The following COL5A1 variants were observed in gnomAD, a reference collection of about 807,000 sequenced individuals.
The protein encoded by COL5A1 is collagen alpha-1(V) chain.
A neutral mutation model predicts 263.7 loss-of-function variants in COL5A1; 16 were observed. The ratio of observed to expected loss-of-function variants is 0.06; its 90% CI spans 0.04 to 0.09. The LOEUF (loss-of-function observed/expected upper bound fraction) is 0.09. Among genes scored for constraint, COL5A1 ranks in the 10% least tolerant of loss-of-function variants. The probability of loss-of-function intolerance (pLI) is 1.00; values close to 1 mark genes in which losing one functional copy is unlikely to be tolerated. For missense variants in COL5A1, 2,036 were observed against 2,540.5 expected (o/e 0.80, Z 4.27); for synonymous variants, 1,012 against 1,004.5 (o/e 1.01, Z -0.14).
intron 31 of COL5A1, among the ~76,000 whole-genome samples, chr9:134,788,439 G>T (rs953347678): frequency 6.6e-6 from 1 of 150,950 alleles, no homozygotes; most frequent in Non-Finnish European, 1.5e-5. Context: ...TGGTTAGGTG[G>T]GTAGGTAGGC....
intron 4 of COL5A1, among the ~76,000 whole-genome samples, chr9:134,710,711 G>A (rs1436458078): frequency 7.2e-6 from 1 of 139,308 alleles, no homozygotes. Flanking sequence ...TAGTGCAGTG[G>A]TGGGGGAGGA....
rs550962467 is a variant in COL5A1 at position 134,818,541 on chromosome 9, A to T, written c.4231-115A>T. 1.2e-5 allele frequency: 9 copies of T among 739,330 alleles called. No homozygotes were observed. The South Asian group carries it at 1.4e-4, about 11-fold the overall frequency. The allele number at this position is 739,330 out of a possible 1,614,324, so 45.8% of individuals were successfully genotyped here. A position where few individuals can be genotyped will look rare whatever the true frequency, so the allele number is the denominator to read the frequency against. Reference sequence around the variant, plus strand: ...GTGGAGAATTAGGGCAACCCCGGATATGGGGTCACCTGGGACTCCTCCAGA... The same window carrying T: ...GTGGAGAATTAGGGCAACCCCGGATTTGGGGTCACCTGGGACTCCTCCAGA... On this transcript the variant is annotated intron_variant, in intron 54 of 65. Transcript: ENST00000371817. The surrounding 1 kb of genome is among the most constrained non-coding windows in gnomAD (Gnocchi z 6.0).
chr9:134,718,141 C>T lies in COL5A1; in HGVS notation c.655-9125C>T, dbSNP rs375963891. Among the ~76,000 whole-genome samples, 4 of 152,206 alleles carry T rather than the reference C, an allele frequency of 2.6e-5. No homozygotes were observed. In the South Asian group the frequency reaches 6.2e-4, roughly 24 times the overall value. On this transcript the variant is annotated intron_variant, in intron 4 of 65. Coordinates refer to ENST00000371817, the MANE Select transcript of COL5A1 (RefSeq NM_000093.5). ...TCACAACAGAGACGCAGCCTGGATACGGTCTCATTAGCAGAAAAGGCAGAA... is the reference window on the plus strand; with the variant it reads ...TCACAACAGAGACGCAGCCTGGATATGGTCTCATTAGCAGAAAAGGCAGAA...
Position 134,763,684 on chromosome 9 carries a change from C to T in COL5A1, c.1990-9C>T. On this transcript the variant is annotated splice_polypyrimidine_tract_variant and intron_variant, in intron 19 of 65. Coordinates refer to ENST00000371817, the MANE Select transcript of COL5A1 (RefSeq NM_000093.5). ...ATTTCTCTAACCTTGCCTTTTTTCT[C>T]CTCTGCAGGGTGACGACGGAGAAGT... 2 of 1,613,452 alleles carry T rather than the reference C, an allele frequency of 1.2e-6. No homozygotes were observed. The highest frequency in any genetic ancestry group is 1.1e-5 in the South Asian group (1 of 90,992).
At chr9:134,761,067 GCA>G (rs980004023) in intron 18 of COL5A1, among the ~76,000 whole-genome samples, 30 of 129,074 alleles carry the variant, frequency 2.3e-4, no homozygotes, top group African/African-American at 9.0e-4. Flanking sequence ...ACACCCACAT[GCA>G]CACACATGCA....
intron 65 of COL5A1, among the ~76,000 whole-genome samples, chr9:134,839,688 C>T (rs552268500): frequency 9.2e-5 from 14 of 152,352 alleles, no homozygotes; most frequent in East Asian, 1.9e-4. Context: ...GAGCAGAGGC[C>T]GGAGGAGAGG....
chr9:134,671,037 G>A (rs1243822689), intron 1 of COL5A1, among the ~76,000 whole-genome samples: 2 of 152,262 alleles, frequency 1.3e-5, no homozygotes, highest in African/African-American at 4.8e-5. Flanking sequence ...GGGGCCTGCT[G>A]CAGCTTTGGG....
chr9:134,793,748 C>T (rs1387484243), intron 32 of COL5A1, among the ~76,000 whole-genome samples: 9 of 152,142 alleles, frequency 5.9e-5, no homozygotes, highest in East Asian at 1.9e-4. Context: ...GCCTGTAGAA[C>T]GCCTATCACT....
chr9:134,804,952 C>A, intron 39 of COL5A1, 23 bp from the exon 40 acceptor site: 1 of 1,603,124 alleles, frequency 6.2e-7, no homozygotes, highest in Non-Finnish European at 8.5e-7. Context: ...TCCAGGAAAG[C>A]TCATCTCTGA....
At position 134,681,377 on chromosome 9, in the gene COL5A1, G is replaced by C. The variant is rs892306574; in HGVS notation, c.110-9535G>C. 7.9e-5 allele frequency among the ~76,000 whole-genome samples: 12 copies of C among 152,264 alleles called. No homozygotes were observed. Among genetic ancestry groups the C allele is most frequent in the African/African-American group, 2.9e-4 (12 of 41,476 alleles). ...TCGTGAACAATTTCTGCGAGCATCT[G>C]CGGGTGCCGGGCTGTGCGGGGCCCC... is the stretch of plus-strand genomic sequence containing the variant. On this transcript the variant is annotated intron_variant, in intron 1 of 65. Coordinates refer to ENST00000371817, the MANE Select transcript of COL5A1 (RefSeq NM_000093.5). The surrounding 1 kb of genome is among the most constrained non-coding windows in gnomAD (Gnocchi z 4.3).
At chr9:134,748,264 C>T (rs1029988651) in intron 11 of COL5A1, among the ~76,000 whole-genome samples, 1 of 152,078 alleles carries the variant, frequency 6.6e-6, no homozygotes, top group East Asian at 1.9e-4. Context: ...TACACATGCA[C>T]ACACATGCCT....
At chr9:134,781,390 C>T (rs1373383737) in intron 28 of COL5A1, among the ~76,000 whole-genome samples, 2 of 152,248 alleles carry the variant, frequency 1.3e-5, no homozygotes, top group African/African-American at 4.8e-5. Flanking sequence ...CTGCTTTCTA[C>T]GTGGAGCCCG....
chr9:134,743,907 C>T (rs1468289888), intron 11 of COL5A1, among the ~76,000 whole-genome samples: 2 of 152,222 alleles, frequency 1.3e-5, no homozygotes, highest in African/African-American at 4.8e-5. Flanking sequence ...GAAAGTGTGG[C>T]TCACCTCTAC....
At chr9:134,840,184 G>A (rs1223297256) in intron 65 of COL5A1, among the ~76,000 whole-genome samples, 2 of 152,206 alleles carry the variant, frequency 1.3e-5, no homozygotes, top group Non-Finnish European at 2.9e-5. Flanking sequence ...AGCTGTAGGG[G>A]GTTAACAAGC....
intron 4 of COL5A1, chr9:134,708,966 C>G (rs1387563621): frequency 2.2e-6 from 1 of 456,650 alleles, no homozygotes; most frequent in South Asian, 1.5e-5. Flanking sequence ...CACAGCCTCT[C>G]TCTTCCCCCT....
At chr9:134,817,199 G>A (rs947600337) in intron 53 of COL5A1, 120 bp downstream of exon 53, 21 of 873,818 alleles carry the variant, frequency 2.4e-5, no homozygotes, top group African/African-American at 6.6e-5. Context: ...GGAAGGGCTC[G>A]GGTGTGGCAT....
intron 4 of COL5A1, among the ~76,000 whole-genome samples, chr9:134,725,716 C>G (rs1834623938): frequency 6.6e-6 from 1 of 152,104 alleles, no homozygotes; most frequent in South Asian, 2.1e-4. Flanking sequence ...GTAGGCTGCT[C>G]ACAATGAATC....
Position 134,749,310 on chromosome 9 carries a change from C to T in COL5A1, c.1495-1232C>T, listed in dbSNP as rs138188500. ...TGAATGTGTTAGTTAGTGTGTCCAG[C>T]ATGTGCGTCTTCATCTTTGCCTTTG... On this transcript the variant is annotated intron_variant, in intron 11 of 65. Coordinates refer to ENST00000371817, the MANE Select transcript of COL5A1 (RefSeq NM_000093.5). Among the ~76,000 whole-genome samples the T allele has an allele frequency of 1.2e-3, 182 of 152,362 alleles. 1 individual carries two copies. The Middle Eastern group carries it at 0.024, about 20-fold the overall frequency.
At chr9:134,762,639 G>T (rs1185913321) in intron 19 of COL5A1, among the ~76,000 whole-genome samples, 1 of 152,220 alleles carries the variant, frequency 6.6e-6, no homozygotes, top group Non-Finnish European at 1.5e-5. Flanking sequence ...TGCAGGCACC[G>T]CAGTCACTCA....
Sources: gnomAD v4.1 joint callset for allele counts (sites outside exome capture counted in the v4.1 genomes callset) on GRCh38, gnomAD v4.1.1 for gene constraint, Gnocchi (gnomAD v3.1) non-coding constraint, MANE v1.5 for transcripts, NCBI Gene and HGNC (gene_info 2026-07-23, HGNC 2026-07-21) for gene names.